BBS1: variants seen among roughly 807,000 people sequenced by gnomAD.
The protein encoded by BBS1 is Bardet-Biedl syndrome 1.
BBS1 carries 60 observed loss-of-function variants against 73.9 expected under a neutral mutation model. That is an observed-to-expected ratio of 0.81 (90% confidence interval 0.66 to 1.01). The LOEUF (loss-of-function observed/expected upper bound fraction) is 1.01. Among genes scored for constraint, BBS1 ranks in the 50% least tolerant of loss-of-function variants. The pLI is 0.00. For missense variants in BBS1, 718 were observed against 770.3 expected (o/e 0.93, Z 0.80); for synonymous variants, 283 against 317.4 (o/e 0.89, Z 1.15).
chr11:66,523,763 C>T lies in BBS1; in HGVS notation c.991C>T (p.Leu331=), dbSNP rs1856357427. The part of the protein sequence containing the change: ...LWTVQMPAAI[L]TMNLLEQHSR... ...GACAGTGCAGATGCCCGCAGCCATC[C>T]TGACCATGAACCTCCTGGAGCAGCA... The change falls in exon 11 of 17, where the codon CTG becomes TTG. Residue 331 remains leucine, a synonymous_variant. Transcript: ENST00000318312. 1 of 1,613,026 alleles carries T rather than the reference C, an allele frequency of 6.2e-7. No individual in the cohort carries two copies. Among genetic ancestry groups the T allele is most frequent in the African/African-American group, 1.3e-5 (1 of 75,066 alleles).
At chr11:66,528,248 A>G (rs1015175923) in intron 13 of BBS1, among the ~76,000 whole-genome samples, 4 of 152,228 alleles carry the variant, frequency 2.6e-5, no homozygotes, top group African/African-American at 9.6e-5. Flanking sequence ...AGTCTAATAA[A>G]GTTGTAAAAC....
rs371874837 is a variant in BBS1, at chr11:66,531,864, G to A, written c.1696-87G>A. ...GGGGTGGGGGTATCTGCACAGTGGA[G>A]CCCTGTGGCCTGTCATTAGGGCCAG... On this transcript the variant is annotated intron_variant, in intron 16 of 16. Coordinates refer to ENST00000318312, the MANE Select transcript of BBS1 (RefSeq NM_024649.5). The A allele has an allele frequency of 1.8e-4, 291 of 1,593,720 alleles. 1 individual carries two copies. The East Asian group carries it at 3.3e-3, about 18-fold the overall frequency.
intron 3 of BBS1, among the ~76,000 whole-genome samples, chr11:66,514,110 GAAT>G (rs746136054): frequency 5.9e-5 from 9 of 152,172 alleles, no homozygotes; most frequent in South Asian, 2.1e-4. Context: ...TTTGCTGAAT[GAAT>G]AATAAAAACA....
Position 66,515,930 on chromosome 11 carries a change from G to A in BBS1, c.588G>A (p.Arg196=), listed in dbSNP as rs771281867. Residue 196 remains arginine, a synonymous_variant, in exon 7 of 17, where the codon CGG becomes CGA. Coordinates refer to ENST00000318312, the MANE Select transcript of BBS1 (RefSeq NM_024649.5). ...VNQHKSNSIK[R]QTVITTMTTL... is the part of the protein sequence containing the mutation. Reference sequence around the variant, plus strand: ...AACACAAGTCCAACTCCATCAAGCGGCAGGTAATACCCCCTTCTCTTTTTA... The same window carrying A: ...AACACAAGTCCAACTCCATCAAGCGACAGGTAATACCCCCTTCTCTTTTTA... The A allele has an allele frequency of 3.1e-6, 5 of 1,614,008 alleles. No individual in the cohort carries two copies. Among genetic ancestry groups the A allele is most frequent in the Non-Finnish European group, 4.2e-6 (5 of 1,180,018 alleles).
intron 13 of BBS1, among the ~76,000 whole-genome samples, chr11:66,528,267 A>G (rs1856607504): frequency 6.6e-6 from 1 of 152,240 alleles, no homozygotes; most frequent in African/African-American, 2.4e-5. Flanking sequence ...ACTATCTTCA[A>G]GAACAGAAAA....
chr11:66,510,676 C>A lies in BBS1; in HGVS notation c.17C>A (p.Ser6Ter). Residue 6 changes from serine (S) to a stop codon, truncating the protein, a stop_gained, in exon 1 of 17, where the codon TCA (serine) becomes TAA (stop). Transcript: ENST00000318312. LOFTEE classifies it high-confidence loss of function. The part of the protein sequence containing the change: MAAAS[S>*]SDSDACGAES... ...CCTGCGAAGATGGCCGCTGCGTCCT[C>A]ATCGGATTCCGACGCCTGCGGAGCT... is the stretch of plus-strand genomic sequence containing the variant. 1 of 1,614,174 alleles carries A rather than the reference C, an allele frequency of 6.2e-7. No homozygotes were observed. The highest frequency in any genetic ancestry group is 8.5e-7 in the Non-Finnish European group (1 of 1,180,022).
At chr11:66,520,934 G>C in intron 8 of BBS1, 1 of 373,086 alleles carries the variant, frequency 2.7e-6, no homozygotes, top group Non-Finnish European at 5.2e-6. Context: ...GGACAGGCTG[G>C]TCTTGAACTC....
chr11:66,532,178 A>AC lies in BBS1; in HGVS notation c.*146dup. The AC allele has an allele frequency of 3.4e-6, 3 of 876,998 alleles. No individual in the cohort carries two copies. Among genetic ancestry groups the AC allele is most frequent in the Non-Finnish European group, 5.2e-6 (3 of 576,262 alleles). The allele number at this position is 876,998 out of a possible 1,614,324, so 54.3% of individuals were successfully genotyped here. On this transcript the variant is annotated 3_prime_UTR_variant, in exon 17 of 17. Transcript: ENST00000318312. ...TCTCTTAAGCACCCGCTTCCTCACC[A>AC]CCCCCACTGTTGGGCCTATAGTAGC... is the stretch of plus-strand genomic sequence containing the variant.
chr11:66,524,978 A>G (rs545301538), intron 11 of BBS1, among the ~76,000 whole-genome samples: 53 of 152,264 alleles, frequency 3.5e-4, no homozygotes, highest in Non-Finnish European at 6.8e-4. Context: ...AGGCAGGCAG[A>G]TCACAAGGTC....
At chr11:66,530,600 G>A (rs1856734434) in intron 14 of BBS1, among the ~76,000 whole-genome samples, 1 of 152,202 alleles carries the variant, frequency 6.6e-6, no homozygotes, top group Non-Finnish European at 1.5e-5. Flanking sequence ...ACCCTAGGAT[G>A]AGAGTGGGAG....
Position 66,515,520 on chromosome 11 carries a change from C to G in BBS1, c.433-20C>G, listed in dbSNP as rs186822905. Reference sequence around the variant, plus strand: ...CCTGCCTGGCTTGAGCTCACAGGCTCTCTTCCCACATTGTCACAGGACCGA... The same window carrying G: ...CCTGCCTGGCTTGAGCTCACAGGCTGTCTTCCCACATTGTCACAGGACCGA... On this transcript the variant is annotated intron_variant, in intron 4 of 16. Transcript: ENST00000318312. The G allele has an allele frequency of 9.3e-6, 15 of 1,614,030 alleles. No homozygotes were observed. The highest frequency in any genetic ancestry group is 1.3e-5 in the Non-Finnish European group (15 of 1,179,970).
At chr11:66,524,848 A>G (rs1856413087) in intron 11 of BBS1, among the ~76,000 whole-genome samples, 2 of 151,552 alleles carry the variant, frequency 1.3e-5, no homozygotes, top group South Asian at 4.2e-4. Flanking sequence ...AGGCGATCAC[A>G]GTTCTGGAAC....
At chr11:66,525,199 CAAA>C (rs1202954773) in intron 11 of BBS1, among the ~76,000 whole-genome samples, 9 of 83,430 alleles carry the variant, frequency 1.1e-4, no homozygotes, top group Admixed American at 1.4e-4. Context: ...GACTCCATCT[CAAA>C]AAAAAAAAAA....
In BBS1 at chr11:66,532,182, C is replaced by T; in HGVS notation, c.*145C>T. ...TTAAGCACCCGCTTCCTCACCACCC[C>T]CACTGTTGGGCCTATAGTAGCAGGT... On this transcript the variant is annotated 3_prime_UTR_variant, in exon 17 of 17. Coordinates refer to ENST00000318312, the MANE Select transcript of BBS1 (RefSeq NM_024649.5). 3 of 853,008 alleles carry T rather than the reference C, an allele frequency of 3.5e-6. No homozygotes were observed. In the South Asian group the frequency reaches 5.0e-5, roughly 14 times the overall value. 52.8% of individuals were successfully genotyped at this position (853,008 alleles called of 1,614,324 possible).
At chr11:66,516,865 C>T (rs1266153442) in intron 7 of BBS1, among the ~76,000 whole-genome samples, 1 of 152,048 alleles carries the variant, frequency 6.6e-6, no homozygotes, top group African/African-American at 2.4e-5. Flanking sequence ...CTGTCTTTTT[C>T]AATCTTGATG....
chr11:66,516,998 G>C (rs1030580392), intron 7 of BBS1, among the ~76,000 whole-genome samples: 1 of 152,088 alleles, frequency 6.6e-6, no homozygotes, highest in African/African-American at 2.4e-5. Flanking sequence ...AGGAGATCGA[G>C]ACCATCCTGG....
chr11:66,527,013 G>T, intron 13 of BBS1: 1 of 1,536,784 alleles, frequency 6.5e-7, no homozygotes, highest in Non-Finnish European at 8.7e-7. Context: ...GGTGCTGTGG[G>T]TGACAGCAAG....
chr11:66,510,976 G>T, intron 1 of BBS1, 37 bp from the exon 2 acceptor site: 1 of 1,608,900 alleles, frequency 6.2e-7, no homozygotes, highest in Non-Finnish European at 8.5e-7. Flanking sequence ...CCCCTCCCAT[G>T]GGACTCACTC....
chr11:66,532,186 T>C lies in BBS1; in HGVS notation c.*149T>C, dbSNP rs991614173. The stretch of plus-strand genomic sequence containing the variant: ...GCACCCGCTTCCTCACCACCCCCAC[T>C]GTTGGGCCTATAGTAGCAGGTTAGT... On this transcript the variant is annotated 3_prime_UTR_variant, in exon 17 of 17. Transcript: ENST00000318312. 3.7e-6 allele frequency: 3 copies of C among 819,658 alleles called. No homozygotes were observed. Among genetic ancestry groups the C allele is most frequent in the Non-Finnish European group, 5.7e-6 (3 of 523,914 alleles). The allele number at this position is 819,658 out of a possible 1,614,324, so 50.8% of individuals were successfully genotyped here. A position where few individuals can be genotyped will look rare whatever the true frequency, so the allele number is the denominator to read the frequency against.
Sources: gnomAD v4.1 joint callset for allele counts (sites outside exome capture counted in the v4.1 genomes callset) on GRCh38, gnomAD v4.1.1 for gene constraint, MANE v1.5 for transcripts, NCBI Gene and HGNC (gene_info 2026-07-23, HGNC 2026-07-21) for gene names.